The following SERPINE2 variants were observed in gnomAD, a reference collection of about 807,000 sequenced individuals.
SERPINE2 encodes the protein glia-derived nexin.
Under a neutral mutation model 36.3 loss-of-function variants are expected in SERPINE2, and 14 were observed. The ratio of observed to expected loss-of-function variants is 0.39; its 90% confidence interval spans 0.25 to 0.60. The LOEUF is 0.60. SERPINE2 is among the 20% of genes least tolerant of loss of function. The probability of loss-of-function intolerance (pLI) is 0.57; values close to 1 mark genes in which losing one functional copy is unlikely to be tolerated. For synonymous variants in SERPINE2, 192 were observed against 191.8 expected (o/e 1.00, Z -0.01); for missense variants, 418 against 499.6 (o/e 0.84, Z 1.56).
chr2:224,028,892 A>G (rs1692271946), intron 1 of SERPINE2, among the ~76,000 whole-genome samples: 2 of 152,230 alleles, frequency 1.3e-5, no homozygotes, highest in African/African-American at 4.8e-5. Context: ...CAAGGTAGAG[A>G]GCAGTACACA....
At chr2:224,001,611 G>A (rs550718179) in intron 2 of SERPINE2, 31 bp downstream of exon 2, 2 of 1,594,396 alleles carry the variant, frequency 1.3e-6, no homozygotes, top group East Asian at 2.2e-5. Context: ...TCAGGCAAAG[G>A]CTCCGCCAGT....
At chr2:224,014,481 A>T (rs1691731002) in intron 1 of SERPINE2, among the ~76,000 whole-genome samples, 1 of 152,240 alleles carries the variant, frequency 6.6e-6, no homozygotes, top group African/African-American at 2.4e-5. Flanking sequence ...CTTCAGACGG[A>T]GACTCTGATT....
rs1422450765 is a variant in SERPINE2, at chr2:223,975,691, T to C, written c.*176A>G. On this transcript the variant is annotated 3_prime_UTR_variant, in exon 9 of 9. Coordinates refer to ENST00000409304, the MANE Select transcript of SERPINE2 (RefSeq NM_001136528.2). ...AGTGTTCCAGCCATCCTGCTTGTTT[T>C]TTCCCTCCAATACCTCCCAGAACAG... 16 of 512,678 alleles carry C rather than the reference T, an allele frequency of 3.1e-5. 1 individual carries two copies. The South Asian group carries it at 5.3e-4, about 17-fold the overall frequency. 31.8% of individuals were successfully genotyped at this position (512,678 alleles called of 1,614,324 possible).
intron 1 of SERPINE2, chr2:224,030,198 A>G: frequency 1.0e-6 from 1 of 985,384 alleles, no homozygotes; most frequent in Non-Finnish European, 1.2e-6. Context: ...AACGCACAAG[A>G]GCCTGAAGCC....
At chr2:224,038,818 G>A in intron 1 of SERPINE2, 1 of 381,320 alleles carries the variant, frequency 2.6e-6, no homozygotes, top group Non-Finnish European at 4.7e-6. Context: ...CGCCACCCCG[G>A]GGCGGCCCCG....
intron 1 of SERPINE2, among the ~76,000 whole-genome samples, chr2:224,013,492 G>A (rs989043358): frequency 6.6e-6 from 1 of 152,170 alleles, no homozygotes; most frequent in African/African-American, 2.4e-5. Flanking sequence ...AGGGAAGCAG[G>A]GGTTTGGGCT....
intron 4 of SERPINE2, among the ~76,000 whole-genome samples, chr2:223,986,398 G>A (rs918522427): frequency 3.9e-5 from 6 of 152,040 alleles, no homozygotes; most frequent in Non-Finnish European, 7.4e-5. Flanking sequence ...TCTGTCTTGC[G>A]GCAACCTAAG....
chr2:223,989,032 C>T (rs1690543380), intron 4 of SERPINE2, among the ~76,000 whole-genome samples: 2 of 152,072 alleles, frequency 1.3e-5, no homozygotes. Context: ...GGAATTTTAT[C>T]CTAGGAAATA....
chr2:224,010,524 A>T (rs1014243238), intron 1 of SERPINE2: 7 of 201,856 alleles, frequency 3.5e-5, no homozygotes, highest in Non-Finnish European at 5.3e-5. Flanking sequence ...GAGCTTTGTT[A>T]GCAGTCTGTC....
chr2:224,025,848 A>G (rs1472729622), intron 1 of SERPINE2, among the ~76,000 whole-genome samples: 1 of 152,240 alleles, frequency 6.6e-6, no homozygotes, highest in African/African-American at 2.4e-5. Context: ...CACACAGCAT[A>G]TTAGTGATCG....
chr2:224,038,754 G>A lies in SERPINE2; in HGVS notation c.-23+345C>T, dbSNP rs373866510. The A allele has an allele frequency of 1.3e-4, 73 of 542,132 alleles. 2 individuals are homozygous for A. The highest frequency in any genetic ancestry group is 7.3e-4 in the East Asian group (24 of 33,016). The allele number at this position is 542,132 out of a possible 1,614,324, so 33.6% of individuals were successfully genotyped here. ...GTTCAGGGTCAGGGCCGGCTCGGAT[G>A]GCCGGGCAGGAGCCACGCCGGCCCC... On this transcript the variant is annotated intron_variant, in intron 1 of 8. Coordinates refer to ENST00000409304, the MANE Select transcript of SERPINE2 (RefSeq NM_001136528.2).
intron 4 of SERPINE2, 82 bp downstream of exon 4, chr2:223,991,721 G>T (rs1328291283): frequency 2.2e-6 from 3 of 1,379,072 alleles, no homozygotes; most frequent in African/African-American, 1.4e-5. Flanking sequence ...AGTTAGATTT[G>T]CTCTGGAATT....
intron 1 of SERPINE2, among the ~76,000 whole-genome samples, chr2:224,022,814 T>C (rs1692050594): frequency 6.6e-6 from 1 of 152,212 alleles, no homozygotes; most frequent in East Asian, 1.9e-4. Context: ...AATCCCCCTG[T>C]GCCAAGGGCA....
intron 1 of SERPINE2, among the ~76,000 whole-genome samples, chr2:224,016,289 C>T (rs377467019): frequency 1.5e-4 from 23 of 152,244 alleles, no homozygotes; most frequent in African/African-American, 4.3e-4. Context: ...CACCTGAGCC[C>T]GAGGTCATGA....
chr2:224,008,488 C>T (rs1266366006), intron 1 of SERPINE2, among the ~76,000 whole-genome samples: 2 of 152,108 alleles, frequency 1.3e-5, no homozygotes, highest in Admixed American at 6.5e-5. Context: ...TCACTATAAA[C>T]TCGTGTTTTT....
intron 1 of SERPINE2, chr2:224,038,421 G>A: frequency 1.5e-6 from 2 of 1,328,270 alleles, no homozygotes; most frequent in African/African-American, 1.5e-5. Flanking sequence ...TTCCTTCCCC[G>A]CTCAGTTTGT....
At chr2:224,011,758 T>C (rs1254856807) in intron 1 of SERPINE2, among the ~76,000 whole-genome samples, 1 of 152,344 alleles carries the variant, frequency 6.6e-6, no homozygotes, top group East Asian at 1.9e-4. Context: ...TCAATCCTAA[T>C]GTGATAATAA....
intron 1 of SERPINE2, among the ~76,000 whole-genome samples, chr2:224,029,447 C>T (rs1264840249): frequency 6.6e-6 from 1 of 152,168 alleles, no homozygotes; most frequent in East Asian, 1.9e-4. Flanking sequence ...TAAGGTTAAC[C>T]CAACATTCTT....
At chr2:224,009,140 GAC>G (rs1691533371) in intron 1 of SERPINE2, among the ~76,000 whole-genome samples, 1 of 152,062 alleles carries the variant, frequency 6.6e-6, no homozygotes, top group South Asian at 2.1e-4. Context: ...ACAAACAACC[GAC>G]ACACAGCACG....
Sources: gnomAD v4.1 joint callset for allele counts (sites outside exome capture counted in the v4.1 genomes callset) on GRCh38, gnomAD v4.1.1 for gene constraint, MANE v1.5 for transcripts, NCBI Gene and HGNC (gene_info 2026-07-23, HGNC 2026-07-21) for gene names.